Variants in IFT140 observed in about 807,000 individuals in gnomAD.
IFT140 encodes the protein intraflagellar transport protein 140 homolog.
Under a neutral mutation model 164.6 loss-of-function variants are expected in IFT140, and 133 were observed. The ratio of observed to expected loss-of-function variants is 0.81; its 90% CI spans 0.70 to 0.93. The LOEUF (loss-of-function observed/expected upper bound fraction) is 0.93. Ranked by LOEUF, IFT140 falls within the 40% of genes least tolerant of loss-of-function variation. The probability of loss-of-function intolerance (pLI) is 0.00; values close to 1 mark genes in which losing one functional copy is unlikely to be tolerated. For missense variants in IFT140, 2,045 were observed against 1,972.3 expected (o/e 1.04, Z -0.70); for synonymous variants, 860 against 817.3 (o/e 1.05, Z -0.89).
chr16:1,523,089 G>A (rs1428563126), intron 26 of IFT140, among the ~76,000 whole-genome samples: 1 of 151,818 alleles, frequency 6.6e-6, no homozygotes, highest in African/African-American at 2.4e-5. Context: ...GCTGGGGATG[G>A]TGGCACACTC....
chr16:1,521,468 A>C (rs573784775), intron 26 of IFT140, among the ~76,000 whole-genome samples: 1 of 152,176 alleles, frequency 6.6e-6, no homozygotes, highest in South Asian at 2.1e-4. Flanking sequence ...GGCTCACTGC[A>C]ACCTCCACCT....
rs764678988 is a variant in IFT140 at position 1,524,699 on chromosome 16, G to A, written c.2998-4C>T. On this transcript the variant is annotated splice_region_variant and splice_polypyrimidine_tract_variant and intron_variant, in intron 23 of 30. Transcript: ENST00000426508. Reference sequence around the variant, plus strand: ...TCTCGTTGGCTATTTGCGCAGCCTAGAAAGACAAAGAACCCAAAGACGAGA... The same window carrying A: ...TCTCGTTGGCTATTTGCGCAGCCTAAAAAGACAAAGAACCCAAAGACGAGA... 2 of 1,575,556 alleles carry A rather than the reference G, an allele frequency of 1.3e-6. No homozygotes were observed. The highest frequency in any genetic ancestry group is 2.7e-5 in the African/African-American group (2 of 74,136).
At chr16:1,543,257 G>C (rs1360999718) in intron 19 of IFT140, among the ~76,000 whole-genome samples, 1 of 152,274 alleles carries the variant, frequency 6.6e-6, no homozygotes, top group Non-Finnish European at 1.5e-5. Context: ...CACAGAGGAA[G>C]TGGCAGGAAG....
chr16:1,588,988 T>C (rs9924141), intron 7 of IFT140, among the ~76,000 whole-genome samples: 20,754 of 152,186 alleles, frequency 0.14, 2,405 homozygotes, highest in African/African-American at 0.32. Flanking sequence ...TATCAGCCTC[T>C]AGAACTGTGA....
rs1294479356 is a variant in IFT140 at position 1,524,063 on chromosome 16, A to G, written c.3142-107T>C. 5 of 1,397,446 alleles carry G rather than the reference A, an allele frequency of 3.6e-6. No homozygotes were observed. In the East Asian group the frequency reaches 1.2e-4, roughly 33 times the overall value. 86.6% of individuals were successfully genotyped at this position (1,397,446 alleles called of 1,614,324 possible). A position where few individuals can be genotyped will look rare whatever the true frequency, so the allele number is the denominator to read the frequency against. On this transcript the variant is annotated intron_variant, in intron 24 of 30. Transcript: ENST00000426508. ...CGAACCCGCCCCTTCACTTTGACAC[A>G]CTGCTCAGCGATCTCTGCGGTGATG...
chr16:1,557,668 TATAG>T, intron 19 of IFT140: 1 of 478,388 alleles, frequency 2.1e-6, no homozygotes. Flanking sequence ...GGATGGGTAT[TATAG>T]ATGTTTAGGA....
At chr16:1,545,568 C>T (rs1430326993) in intron 19 of IFT140, among the ~76,000 whole-genome samples, 1 of 152,154 alleles carries the variant, frequency 6.6e-6, no homozygotes, top group African/African-American at 2.4e-5. Flanking sequence ...GACTGAAGGG[C>T]GCCAGGATGT....
At chr16:1,525,424 G>T (rs943524858) in intron 21 of IFT140, 98 bp from the exon 22 acceptor site, 4 of 886,042 alleles carry the variant, frequency 4.5e-6, no homozygotes, top group Non-Finnish European at 7.4e-6. Context: ...GCATCAGAGC[G>T]GTGGCCCTCG....
chr16:1,554,321 C>T (rs1222435865), intron 19 of IFT140, among the ~76,000 whole-genome samples: 1 of 152,232 alleles, frequency 6.6e-6, no homozygotes, highest in Non-Finnish European at 1.5e-5. Context: ...AAAGTCTTTT[C>T]TTTGAATGAA....
chr16:1,589,303 G>T (rs2035054944), intron 7 of IFT140, among the ~76,000 whole-genome samples: 1 of 152,160 alleles, frequency 6.6e-6, no homozygotes, highest in African/African-American at 2.4e-5. Context: ...CAGCGAGTGT[G>T]ACTCTCTTAC....
chr16:1,586,102 G>A (rs1430517214), intron 10 of IFT140, 28 bp downstream of exon 10: 4 of 1,607,286 alleles, frequency 2.5e-6, no homozygotes, highest in Non-Finnish European at 3.4e-6. Context: ...CAGAAAATGA[G>A]TGCACCGAAC....
At position 1,512,202 on chromosome 16, in the gene IFT140, GTGGGGGGCAGGA is replaced by G. The variant is rs1158691631; in HGVS notation, c.4183-1064_4183-1053del. ...GGGGCAGGACAGGCGGCATAGGTGG[GTGGGGGGCAGGA>G]TGGGGGGCAGGACAGGCGGCGTAGG... On this transcript the variant is annotated intron_variant, in intron 30 of 30. Transcript: ENST00000426508. Among the ~76,000 whole-genome samples the G allele has an allele frequency of 3.6e-3, 452 of 124,274 alleles. 3 individuals are homozygous for G. Among genetic ancestry groups the G allele is most frequent in the Middle Eastern group, 7.9e-3 (2 of 254 alleles). The allele number at this position is 124,274 out of a possible 152,430, so 81.5% of individuals were successfully genotyped here.
rs34813273 is a variant in IFT140 at position 1,511,014 on chromosome 16, C to A, written c.4319G>T (p.Arg1440Leu). Residue 1440 changes from arginine (R) to leucine (L), a missense_variant, in exon 31 of 31, where the codon CGC becomes CTC. Coordinates refer to ENST00000426508, the MANE Select transcript of IFT140 (RefSeq NM_014714.4). ...PLPRTVPEQVRHNSMEDAREL... is the reference protein window; with the variant it reads ...PLPRTVPEQVLHNSMEDAREL... Reference sequence around the variant, plus strand: ...CCTGGCGTCCTCCATGCTGTTGTGGCGGACCTGCTCGGGGACGGTGCGTGG... The same window carrying A: ...CCTGGCGTCCTCCATGCTGTTGTGGAGGACCTGCTCGGGGACGGTGCGTGG... 1 of 1,607,340 alleles carries A rather than the reference C, an allele frequency of 6.2e-7. No individual in the cohort carries two copies. The highest frequency in any genetic ancestry group is 8.5e-7 in the Non-Finnish European group (1 of 1,176,546).
At chr16:1,518,409 C>CT in intron 29 of IFT140, 52 bp from the exon 30 acceptor site, 1 of 1,569,570 alleles carries the variant, frequency 6.4e-7, no homozygotes, top group South Asian at 1.2e-5. Context: ...ACACCTACTG[C>CT]TATCAGAGGT....
At chr16:1,589,482 C>G in intron 7 of IFT140, 123 bp downstream of exon 7, 1 of 936,708 alleles carries the variant, frequency 1.1e-6, no homozygotes, top group Non-Finnish European at 1.6e-6. Flanking sequence ...CGTTAGCCGC[C>G]CTAACTCAGT....
intron 18 of IFT140, among the ~76,000 whole-genome samples, chr16:1,560,240 C>T (rs572661568): frequency 6.6e-6 from 1 of 152,302 alleles, no homozygotes; most frequent in South Asian, 2.1e-4. Flanking sequence ...CGATGCTTTC[C>T]CAGTCTTCAT....
At chr16:1,566,989 C>T (rs1056774964) in intron 15 of IFT140, among the ~76,000 whole-genome samples, 12 of 152,150 alleles carry the variant, frequency 7.9e-5, no homozygotes, top group Non-Finnish European at 1.6e-4. Flanking sequence ...CCTGGCCCTC[C>T]CTTCTGACCA....
intron 6 of IFT140, among the ~76,000 whole-genome samples, chr16:1,591,599 C>A (rs1056796733): frequency 1.0e-3 from 152 of 152,282 alleles, no homozygotes; most frequent in African/African-American, 3.4e-3. Flanking sequence ...GTAAGAGATG[C>A]GCTTTTTCTT....
chr16:1,541,974 G>A (rs769060347), intron 19 of IFT140: 96 of 1,610,702 alleles, frequency 6.0e-5, no homozygotes, highest in Non-Finnish European at 7.5e-5. Flanking sequence ...CGCGCTCACC[G>A]CAGGCCAGCT....
Sources: allele counts gnomAD v4.1 joint callset (sites outside exome capture counted in the v4.1 genomes callset), GRCh38; gene constraint gnomAD v4.1.1; transcripts MANE v1.5; gene names NCBI Gene and HGNC (gene_info 2026-07-23, HGNC 2026-07-21).